CROCC: variants seen among roughly 807,000 people sequenced by gnomAD.
The protein encoded by CROCC is ciliary rootlet coiled-coil, rootletin, also known as rootletin.
In CROCC, 180 loss-of-function variants were observed where a neutral mutation model predicts 245.2. That is an observed-to-expected ratio of 0.73 (90% CI 0.65 to 0.83). The LOEUF (loss-of-function observed/expected upper bound fraction) is 0.83. CROCC is among the 40% of genes least tolerant of loss of function. The pLI is 0.00. For synonymous variants in CROCC, 1,205 were observed against 1,241.6 expected (o/e 0.97, Z 0.62); for missense variants, 2,688 against 2,779.4 (o/e 0.97, Z 0.74).
At chr1:16,947,268 G>A (rs1226758531) in intron 17 of CROCC, among the ~76,000 whole-genome samples, 4 of 152,254 alleles carry the variant, frequency 2.6e-5, no homozygotes, top group Admixed American at 6.5e-5. Context: ...CCTGAGGTCC[G>A]GAGATCAAGA....
chr1:16,937,025 TGCC>T (rs2075806371), intron 9 of CROCC, 152 bp downstream of exon 9: 1 of 860,454 alleles, frequency 1.2e-6, no homozygotes, highest in Non-Finnish European at 1.8e-6. Flanking sequence ...CGAAGGCACT[TGCC>T]CAGTGTTTAT....
chr1:16,954,036 C>G lies in CROCC; in HGVS notation c.3187-187C>G, dbSNP rs2076208293. 1 of 535,634 alleles carries G rather than the reference C, an allele frequency of 1.9e-6. No individual in the cohort carries two copies. Among genetic ancestry groups the G allele is most frequent in the African/African-American group, 2.1e-5 (1 of 46,794 alleles). 33.2% of individuals were successfully genotyped at this position (535,634 alleles called of 1,614,324 possible). A position where few individuals can be genotyped will look rare whatever the true frequency, so the allele number is the denominator to read the frequency against. On this transcript the variant is annotated intron_variant, in intron 21 of 36. Transcript: ENST00000375541. The surrounding 1 kb of genome is among the most constrained non-coding windows in gnomAD (Gnocchi z 4.4). ...TAGTGAGCTCTATGAGTGGTATCCACGTCCGGGATTCTTGTGACTGCCGTT... is the reference window on the plus strand; with the variant it reads ...TAGTGAGCTCTATGAGTGGTATCCAGGTCCGGGATTCTTGTGACTGCCGTT...
Position 16,956,290 on chromosome 1 carries a change from CCT to C in CROCC, c.3864+135_3864+136del, listed in dbSNP as rs2076249955. ...AACTATGACAAGCCCTCTCACCTAA[CCT>C]TGGTGTGAATGGATGGGCTTTGAGG... On this transcript the variant is annotated intron_variant, in intron 25 of 36. Coordinates refer to ENST00000375541, the MANE Select transcript of CROCC (RefSeq NM_014675.5). 3.2e-6 allele frequency: 3 copies of C among 946,984 alleles called. No individual in the cohort carries two copies. In the South Asian group the frequency reaches 5.3e-5, roughly 17 times the overall value. The allele number at this position is 946,984 out of a possible 1,614,324, so 58.7% of individuals were successfully genotyped here.
chr1:16,920,405 C>T (rs1188717771), upstream of CROCC, among the ~76,000 whole-genome samples: 4 of 152,240 alleles, frequency 2.6e-5, no homozygotes, highest in African/African-American at 9.6e-5. Context: ...GTTGGCCAGG[C>T]TGGTCTCAAA....
At chr1:16,933,383 C>G (rs1408749276) in intron 8 of CROCC, among the ~76,000 whole-genome samples, 3 of 152,254 alleles carry the variant, frequency 2.0e-5, no homozygotes, top group Non-Finnish European at 4.4e-5. Flanking sequence ...CCCAGACTCG[C>G]CTGAACCCAG....
chr1:16,920,932 C>T (rs1267013411), upstream of CROCC, among the ~76,000 whole-genome samples: 5 of 152,186 alleles, frequency 3.3e-5, no homozygotes, highest in Admixed American at 2.0e-4. Context: ...TTGGTAGAGA[C>T]GGGGTTTCAC....
At chr1:16,929,271 T>A (rs1488104291) in intron 3 of CROCC, among the ~76,000 whole-genome samples, 1 of 152,286 alleles carries the variant, frequency 6.6e-6, no homozygotes, top group Non-Finnish European at 1.5e-5. Flanking sequence ...TGTGTGCATA[T>A]CTTTAAGGTC....
At chr1:16,923,455 G>A (rs1335063215) in intron 2 of CROCC, among the ~76,000 whole-genome samples, 2 of 152,390 alleles carry the variant, frequency 1.3e-5, no homozygotes, top group African/African-American at 2.4e-5. Context: ...CACCTGGGGT[G>A]TATGTCCAGT....
At chr1:16,949,638 A>G (rs1165257745) in intron 19 of CROCC, among the ~76,000 whole-genome samples, 1 of 152,206 alleles carries the variant, frequency 6.6e-6, no homozygotes, top group Non-Finnish European at 1.5e-5. Context: ...CTGAGCCTCC[A>G]TTTCATCATC....
intron 8 of CROCC, among the ~76,000 whole-genome samples, chr1:16,934,701 AG>A (rs2100388527): frequency 6.6e-6 from 1 of 152,408 alleles, no homozygotes; most frequent in African/African-American, 2.4e-5. Context: ...ACATTTCAAA[AG>A]GGTACACAGT....
chr1:16,948,052 T>C (rs1340040840), intron 17 of CROCC, among the ~76,000 whole-genome samples: 3 of 152,296 alleles, frequency 2.0e-5, no homozygotes, highest in African/African-American at 7.2e-5. Context: ...TTGGCCAGGC[T>C]GGTCTTGAAC....
At position 16,930,297 on chromosome 1, in the gene CROCC, C is replaced by T; in HGVS notation, c.633C>T (p.His211=). Residue 211 remains histidine, a synonymous_variant, in exon 6 of 37, where the codon CAC becomes CAT. Coordinates refer to ENST00000375541, the MANE Select transcript of CROCC (RefSeq NM_014675.5). The part of the protein sequence containing the change: ...LEQQRLRDTE[H]SQDLESALIR... ...TCTCTCCCACCCAGGACACAGAGCACAGCCAAGACCTGGAAAGCGCCCTCA... is the reference window on the plus strand; with the variant it reads ...TCTCTCCCACCCAGGACACAGAGCATAGCCAAGACCTGGAAAGCGCCCTCA... 6.2e-7 allele frequency: 1 copy of T among 1,605,780 alleles called. No homozygotes were observed. Among genetic ancestry groups the T allele is most frequent in the East Asian group, 2.2e-5 (1 of 44,730 alleles).
At chr1:16,970,478 C>G in intron 34 of CROCC, 25 bp downstream of exon 34, 1 of 1,539,504 alleles carries the variant, frequency 6.5e-7, no homozygotes, top group Non-Finnish European at 8.8e-7. Context: ...AGGCTCTCCC[C>G]TCACTTCCTC....
chr1:16,965,893 G>T lies in CROCC; in HGVS notation c.4575+1G>T. 6.2e-7 allele frequency: 1 copy of T among 1,612,768 alleles called. No homozygotes were observed. Among genetic ancestry groups the T allele is most frequent in the Non-Finnish European group, 8.5e-7 (1 of 1,179,384 alleles). On this transcript the variant is annotated splice_donor_variant, in intron 28 of 36. Coordinates refer to ENST00000375541, the MANE Select transcript of CROCC (RefSeq NM_014675.5). LOFTEE classifies it high-confidence loss of function. ...GCTGCGGAGTGCCCAGAGAGAACGGGTAAGCCTGGGTGTGCATGGCTGGAT... is the reference window on the plus strand; with the variant it reads ...GCTGCGGAGTGCCCAGAGAGAACGGTTAAGCCTGGGTGTGCATGGCTGGAT...
chr1:16,939,209 TGGGGGC>T lies in CROCC; in HGVS notation c.1608+80_1608+85del, dbSNP rs759437713. ...GGGGGAGGGGCTCGCGCCCTCCGGGTGGGGGCGGGGGCGGGGGCAGGTCCGGGGCCA... is the reference window on the plus strand; with the variant it reads ...GGGGGAGGGGCTCGCGCCCTCCGGGTGGGGGCGGGGGCAGGTCCGGGGCCA... On this transcript the variant is annotated intron_variant, in intron 12 of 36. Transcript: ENST00000375541. 2.0e-4 allele frequency: 141 copies of T among 706,636 alleles called. No homozygotes were observed. The East Asian group carries it at 3.5e-3, about 17-fold the overall frequency. 43.8% of individuals were successfully genotyped at this position (706,636 alleles called of 1,614,324 possible).
At chr1:16,918,739 T>TTTTG (rs1557565509), upstream of CROCC, among the ~76,000 whole-genome samples, 1 of 5,472 alleles carries the variant, frequency 1.8e-4, no homozygotes, top group African/African-American at 5.4e-4. Context: ...TAGTTTTTTG[T>TTTTG]TTTTGTTTTT....
chr1:16,963,948 A>G (rs1030280272), intron 27 of CROCC, among the ~76,000 whole-genome samples: 7 of 151,518 alleles, frequency 4.6e-5, no homozygotes, highest in Non-Finnish European at 1.0e-4. Flanking sequence ...GGCGTGCACC[A>G]CTGCACCCAG....
chr1:16,970,217 C>T (rs781407331), intron 33 of CROCC, 36 bp from the exon 34 acceptor site: 1 of 1,515,776 alleles, frequency 6.6e-7, no homozygotes. Context: ...TGCTCAGGCC[C>T]AGAGGGATTC....
intron 16 of CROCC, 24 bp from the exon 17 acceptor site, chr1:16,946,737 G>A (rs1215677201): frequency 1.3e-6 from 2 of 1,548,916 alleles, no homozygotes; most frequent in East Asian, 4.9e-5. Flanking sequence ...TGCTCACGAG[G>A]CCCCACTCCT....
Sources: allele counts gnomAD v4.1 joint callset (sites outside exome capture counted in the v4.1 genomes callset), GRCh38; gene constraint gnomAD v4.1.1; non-coding constraint Gnocchi (gnomAD v3.1); transcripts MANE v1.5; gene names NCBI Gene and HGNC (gene_info 2026-07-23, HGNC 2026-07-21).